Variants in ECHDC3 observed in about 807,000 individuals in gnomAD.
ECHDC3 encodes the protein enoyl-CoA hydratase domain containing 3, also known as enoyl-CoA hydratase domain-containing protein 3, mitochondrial.
Under a neutral mutation model 17.9 loss-of-function variants are expected in ECHDC3, and 20 were observed. That is an observed-to-expected ratio of 1.12 (90% CI 0.79 to 1.63). The LOEUF is 1.63. ECHDC3 is among the 40% of genes most tolerant of loss of function. The pLI is 0.00. For synonymous variants in ECHDC3, 177 were observed against 149.7 expected (o/e 1.18, Z -1.33); for missense variants, 407 against 357.7 (o/e 1.14, Z -1.11).
At chr10:11,743,176 T>G (rs919715352) in intron 1 of ECHDC3, among the ~76,000 whole-genome samples, 1 of 152,144 alleles carries the variant, frequency 6.6e-6, no homozygotes, top group African/African-American at 2.4e-5. Context: ...CCCAAAACTC[T>G]TAAAAATGTG....
rs772721649 is a variant in ECHDC3 at position 11,747,477 on chromosome 10, A to T, written c.292+7A>T. On this transcript the variant is annotated splice_region_variant and intron_variant, in intron 2 of 4. Coordinates refer to ENST00000379215, the MANE Select transcript of ECHDC3 (RefSeq NM_024693.5). ...AAAGTCATTATCATCTCGGGTATGT[A>T]TCTGATATCTGTCCTTAGTATTCTG... 6.2e-7 allele frequency: 1 copy of T among 1,613,194 alleles called. No individual in the cohort carries two copies. Among genetic ancestry groups the T allele is most frequent in the Non-Finnish European group, 8.5e-7 (1 of 1,179,738 alleles).
chr10:11,754,896 T>G (rs1196365397), intron 3 of ECHDC3, among the ~76,000 whole-genome samples: 1 of 152,208 alleles, frequency 6.6e-6, no homozygotes, highest in Non-Finnish European at 1.5e-5. Context: ...AAGACCAAAT[T>G]ACAGTGCCTG....
chr10:11,744,658 A>T (rs1019615863), intron 1 of ECHDC3, among the ~76,000 whole-genome samples: 23 of 152,142 alleles, frequency 1.5e-4, no homozygotes. Context: ...CAAGATGGCC[A>T]CTGGGAGGGT....
At chr10:11,762,472 G>C (rs1832964499) in intron 4 of ECHDC3, among the ~76,000 whole-genome samples, 1 of 152,196 alleles carries the variant, frequency 6.6e-6, no homozygotes, top group African/African-American at 2.4e-5. Flanking sequence ...TTGTGCACCT[G>C]GGGACCCCTC....
intron 3 of ECHDC3, among the ~76,000 whole-genome samples, chr10:11,755,075 C>T (rs7074585): frequency 0.93 from 142,057 of 151,984 alleles, 67,188 homozygotes; most frequent in East Asian, 1. Flanking sequence ...AATCTGAGCA[C>T]TTTGGGAGGC....
At chr10:11,747,227 A>G in intron 1 of ECHDC3, 122 bp from the exon 2 acceptor site, 1 of 1,303,468 alleles carries the variant, frequency 7.7e-7, no homozygotes, top group Non-Finnish European at 1.0e-6. Flanking sequence ...AATTGGCACT[A>G]AGCCCCAGCA....
Position 11,742,739 on chromosome 10 carries a change from G to T in ECHDC3, c.163G>T (p.Gly55Cys), listed in dbSNP as rs1832709946. The T allele has an allele frequency of 4.9e-6, 6 of 1,232,608 alleles. No individual in the cohort carries two copies. The East Asian group carries it at 1.3e-4, about 27-fold the overall frequency. 76.4% of individuals were successfully genotyped at this position (1,232,608 alleles called of 1,614,324 possible). A position where few individuals can be genotyped will look rare whatever the true frequency, so the allele number is the denominator to read the frequency against. Residue 55 changes from glycine (G) to cysteine (C), a missense_variant, in exon 1 of 5, where the codon GGC becomes TGC. Transcript: ENST00000379215. Reference sequence around the variant, plus strand: ...GCCCACCAGCGCGCGGCAGCTGGACGGCATAAGGTCAGCCCCGGGCCGCGC... The same window carrying T: ...GCCCACCAGCGCGCGGCAGCTGGACTGCATAAGGTCAGCCCCGGGCCGCGC... Reference protein sequence around the residue: ...PRPTSARQLDGIRNIVLSNPK... With the variant: ...PRPTSARQLDCIRNIVLSNPK...
rs536341400 is a variant in ECHDC3, at chr10:11,762,950, T to C, written c.592-274T>C. 5.3e-5 allele frequency among the ~76,000 whole-genome samples: 8 copies of C among 151,866 alleles called. No homozygotes were observed. The East Asian group carries it at 1.2e-3, about 22-fold the overall frequency. Reference sequence around the variant, plus strand: ...TCCTGTGCTTGGCCCTCAAAAGAGGTAGACGAAATCCCCAGCCGTGGCAGG... The same window carrying C: ...TCCTGTGCTTGGCCCTCAAAAGAGGCAGACGAAATCCCCAGCCGTGGCAGG... On this transcript the variant is annotated intron_variant, in intron 4 of 4. Coordinates refer to ENST00000379215, the MANE Select transcript of ECHDC3 (RefSeq NM_024693.5).
intron 3 of ECHDC3, 160 bp from the exon 4 acceptor site, chr10:11,755,248 C>G (rs1832871373): frequency 1.6e-6 from 1 of 612,998 alleles, no homozygotes; most frequent in Admixed American, 3.3e-5. Context: ...ATGGCTTGAA[C>G]TCGGGAGGAA....
At chr10:11,752,251 A>G (rs1832833465) in intron 3 of ECHDC3, 1 of 143,818 alleles carries the variant, frequency 7.0e-6, no homozygotes, top group Admixed American at 7.1e-5. Flanking sequence ...AGCTGGGACT[A>G]CAGGTATGCA....
intron 1 of ECHDC3, 183 bp from the exon 2 acceptor site, chr10:11,747,165 CT>C: frequency 9.2e-6 from 6 of 649,764 alleles, no homozygotes; most frequent in Non-Finnish European, 1.2e-5. Flanking sequence ...TTCAGGTCGC[CT>C]TTTTCTTGTT....
intron 1 of ECHDC3, among the ~76,000 whole-genome samples, chr10:11,745,844 C>T (rs1280318386): frequency 6.6e-6 from 1 of 152,156 alleles, no homozygotes; most frequent in African/African-American, 2.4e-5. Context: ...AGCAAGATGA[C>T]AATACAGGTT....
At chr10:11,754,756 T>G (rs1285238138) in intron 3 of ECHDC3, among the ~76,000 whole-genome samples, 1 of 152,200 alleles carries the variant, frequency 6.6e-6, no homozygotes, top group African/African-American at 2.4e-5. Context: ...CTTCAGCACA[T>G]TTGCCAGGAA....
At position 11,742,768 on chromosome 10, in the gene ECHDC3, C is replaced by T. The variant is rs1159590820; in HGVS notation, c.170+22C>T. On this transcript the variant is annotated intron_variant, in intron 1 of 4. Transcript: ENST00000379215. ...TAAGGTCAGCCCCGGGCCGCGCGGG[C>T]TCCTCGCGTTGGTGCCGAGTCGGGG... 1.4e-5 allele frequency: 17 copies of T among 1,225,020 alleles called. No individual in the cohort carries two copies. The Middle Eastern group carries it at 1.2e-3, about 90-fold the overall frequency. 75.9% of individuals were successfully genotyped at this position (1,225,020 alleles called of 1,614,324 possible).
intron 2 of ECHDC3, 99 bp downstream of exon 2, chr10:11,747,569 G>A: frequency 2.1e-6 from 3 of 1,404,726 alleles, no homozygotes; most frequent in Middle Eastern, 1.8e-4. Flanking sequence ...CTGGAGAATT[G>A]TTTTGAAGCT....
chr10:11,749,522 A>G lies in ECHDC3; in HGVS notation c.320A>G (p.His107Arg), dbSNP rs764726715. The G allele has an allele frequency of 5.0e-6, 8 of 1,614,136 alleles. No homozygotes were observed. The highest frequency in any genetic ancestry group is 3.3e-5 in the South Asian group (3 of 91,086). Residue 107 changes from histidine to arginine, a missense_variant, in exon 3 of 5, where the codon CAT becomes CGT. Coordinates refer to ENST00000379215, the MANE Select transcript of ECHDC3 (RefSeq NM_024693.5). ...GAGGGGCCTGTGTTTTCTTCTGGGC[A>G]TGACTTAAAGGAGCTGACAGAGGAG... ...SAEGPVFSSG[H>R]DLKELTEEQG... is the part of the protein sequence containing the mutation.
At chr10:11,755,212 G>C (rs1454688465) in intron 3 of ECHDC3, 196 bp from the exon 4 acceptor site, 6 of 513,810 alleles carry the variant, frequency 1.2e-5, no homozygotes, top group Non-Finnish European at 2.0e-5. Flanking sequence ...TGTAGTCCCA[G>C]CTACTCAGGA....
At chr10:11,753,924 T>G (rs1832856858) in intron 3 of ECHDC3, among the ~76,000 whole-genome samples, 1 of 152,122 alleles carries the variant, frequency 6.6e-6, no homozygotes, top group Admixed American at 6.5e-5. Context: ...TACAGGCACG[T>G]GCCACCACAC....
In ECHDC3 at chr10:11,747,473, ATGTATC is replaced by A. The variant is rs775050272; in HGVS notation, c.292+6_292+11del. On this transcript the variant is annotated splice_donor_5th_base_variant and intron_variant, in intron 2 of 4. Transcript: ENST00000379215. ...TCTGAAAGTCATTATCATCTCGGGT[ATGTATC>A]TGATATCTGTCCTTAGTATTCTGCA... 43 of 1,613,304 alleles carry A rather than the reference ATGTATC, an allele frequency of 2.7e-5. No individual in the cohort carries two copies. The highest frequency in any genetic ancestry group is 3.4e-5 in the Non-Finnish European group (40 of 1,179,856).
Sources: allele counts gnomAD v4.1 joint callset (sites outside exome capture counted in the v4.1 genomes callset), GRCh38; gene constraint gnomAD v4.1.1; transcripts MANE v1.5; gene names NCBI Gene and HGNC (gene_info 2026-07-23, HGNC 2026-07-21).